TRAPPC9: variants seen among roughly 807,000 people sequenced by gnomAD.
The protein encoded by TRAPPC9 is IKK2 binding protein.
Under a neutral mutation model 124.0 loss-of-function variants are expected in TRAPPC9, and 83 were observed. The observed-to-expected ratio is 0.67, with a 90% CI of 0.56 to 0.80. The LOEUF (loss-of-function observed/expected upper bound fraction) is 0.80, where lower values mean the gene tolerates loss of function less well. TRAPPC9 is among the 30% of genes least tolerant of loss of function. The pLI, the probability that TRAPPC9 is intolerant of heterozygous loss-of-function variation, is 0.00. For synonymous variants in TRAPPC9, 638 were observed against 617.5 expected (o/e 1.03, Z -0.49); for missense variants, 1,302 against 1,508.3 (o/e 0.86, Z 2.27).
At position 140,229,251 on chromosome 8, in the gene TRAPPC9, C is replaced by CTTTT. The variant is rs528175891; in HGVS notation, c.2432-7672_2432-7669dup. ...AGTCAATTCCGTATGTTTTCTTTTT[C>CTTTT]TTTTTTTTTTTTTTTTTTTTTTTTT... On this transcript the variant is annotated intron_variant, in intron 16 of 22. Transcript: ENST00000438773. 8.1e-4 allele frequency among the ~76,000 whole-genome samples: 81 copies of CTTTT among 99,762 alleles called. 6 individuals carry two copies. Among genetic ancestry groups the CTTTT allele is most frequent in the African/African-American group, 2.5e-3 (55 of 21,720 alleles). The allele number at this position is 99,762 out of a possible 152,430, so 65.4% of individuals were successfully genotyped here. A position where few individuals can be genotyped will look rare whatever the true frequency, so the allele number is the denominator to read the frequency against.
At chr8:139,978,399 T>C (rs753319325) in intron 19 of TRAPPC9, among the ~76,000 whole-genome samples, 2 of 152,244 alleles carry the variant, frequency 1.3e-5, no homozygotes, top group African/African-American at 4.8e-5. Flanking sequence ...TGGGTACTTG[T>C]TGATAATGAG....
intron 9 of TRAPPC9, among the ~76,000 whole-genome samples, chr8:140,350,971 A>G (rs2067550957): frequency 6.6e-6 from 1 of 152,006 alleles, no homozygotes; most frequent in South Asian, 2.1e-4. Context: ...GGAGAGGGGC[A>G]GGAGGCTCCA....
In TRAPPC9 at chr8:139,737,475, C is replaced by CCCCG. The variant is rs1554633775; in HGVS notation, c.3056-5274_3056-5273insCGGG. Among the ~76,000 whole-genome samples, 2 of 128,344 alleles carry CCCCG rather than the reference C, an allele frequency of 1.6e-5. 1 individual carries two copies. Among genetic ancestry groups the CCCCG allele is most frequent in the Admixed American group, 1.5e-4 (2 of 13,600 alleles). 84.2% of individuals were successfully genotyped at this position (128,344 alleles called of 152,430 possible). ...CGGGGGTCATCAGCCCTCCCCCCCC[C>CCCCG]CCCACGGAAAACCCTGAGTCTGGTG... On this transcript the variant is annotated intron_variant, in intron 21 of 22. Coordinates refer to ENST00000438773, the MANE Select transcript of TRAPPC9 (RefSeq NM_001160372.4).
chr8:140,390,256 G>T (rs2068889618), intron 7 of TRAPPC9, among the ~76,000 whole-genome samples: 1 of 152,164 alleles, frequency 6.6e-6, no homozygotes, highest in African/African-American at 2.4e-5. Flanking sequence ...AGTGAGAGGA[G>T]ATCCGGCCAC....
chr8:139,816,015 C>T (rs979801220), intron 21 of TRAPPC9, among the ~76,000 whole-genome samples: 1 of 152,214 alleles, frequency 6.6e-6, no homozygotes, highest in African/African-American at 2.4e-5. Context: ...CGGGTGGATT[C>T]CCGAGCCTGG....
At chr8:140,410,472 A>T (rs2069665154) in intron 5 of TRAPPC9, among the ~76,000 whole-genome samples, 1 of 150,130 alleles carries the variant, frequency 6.7e-6, no homozygotes. Flanking sequence ...GGAAGCAGAG[A>T]TTGCAGTGAG....
At chr8:140,005,218 A>C (rs533885584) in intron 18 of TRAPPC9, among the ~76,000 whole-genome samples, 6 of 152,224 alleles carry the variant, frequency 3.9e-5, no homozygotes, top group Non-Finnish European at 5.9e-5. Context: ...AACCACCAAA[A>C]ACCAAACCCT....
At chr8:140,426,710 A>G in intron 4 of TRAPPC9, 69 bp from the exon 5 acceptor site, 1 of 1,463,816 alleles carries the variant, frequency 6.8e-7, no homozygotes, top group Non-Finnish European at 9.6e-7. Flanking sequence ...AACTACTAAA[A>G]CACATTTCAT....
intron 6 of TRAPPC9, among the ~76,000 whole-genome samples, chr8:140,405,092 T>A (rs2069445318): frequency 6.6e-6 from 1 of 152,166 alleles, no homozygotes; most frequent in Admixed American, 6.6e-5. Flanking sequence ...AGTATTTTAG[T>A]AAGTACATTT....
chr8:140,056,672 T>C (rs1278581880), intron 17 of TRAPPC9, among the ~76,000 whole-genome samples: 1 of 151,990 alleles, frequency 6.6e-6, no homozygotes, highest in Non-Finnish European at 1.5e-5. Flanking sequence ...TCAAAATGAA[T>C]TAAAGATTTA....
At chr8:140,023,850 T>C (rs1364045427) in intron 18 of TRAPPC9, 87 bp downstream of exon 18, 2 of 1,599,348 alleles carry the variant, frequency 1.3e-6, no homozygotes, top group Admixed American at 3.3e-5. Flanking sequence ...ACGGGATGCA[T>C]GACAAAAACA....
chr8:140,358,898 G>T (rs2067839556), intron 9 of TRAPPC9, among the ~76,000 whole-genome samples: 1 of 152,174 alleles, frequency 6.6e-6, no homozygotes, highest in Admixed American at 6.5e-5. Flanking sequence ...TGAGCACCCA[G>T]GGCCTGGCAC....
intron 6 of TRAPPC9, among the ~76,000 whole-genome samples, chr8:140,405,063 G>A (rs1286730969): frequency 2.6e-5 from 4 of 152,006 alleles, no homozygotes; most frequent in African/African-American, 4.8e-5. Flanking sequence ...GCCACTCTTC[G>A]GCACAACTTT....
chr8:139,855,472 G>A (rs1005909661), intron 21 of TRAPPC9, among the ~76,000 whole-genome samples: 3 of 152,204 alleles, frequency 2.0e-5, no homozygotes, highest in African/African-American at 2.4e-5. Context: ...GCAGGTCCAC[G>A]TGGAGACCCG....
chr8:140,070,071 C>G (rs919723887), intron 17 of TRAPPC9, among the ~76,000 whole-genome samples: 4 of 152,240 alleles, frequency 2.6e-5, no homozygotes, highest in Admixed American at 2.6e-4. Flanking sequence ...CCAACTCACA[C>G]GCCAGTCCCC....
At chr8:140,243,298 T>A (rs2063907541) in intron 16 of TRAPPC9, among the ~76,000 whole-genome samples, 1 of 152,158 alleles carries the variant, frequency 6.6e-6, no homozygotes, top group African/African-American at 2.4e-5. Context: ...CATCTTCCTC[T>A]ACAACGAAAC....
chr8:139,906,628 G>C (rs1831383511), intron 20 of TRAPPC9, among the ~76,000 whole-genome samples: 1 of 152,160 alleles, frequency 6.6e-6, no homozygotes, highest in Non-Finnish European at 1.5e-5. Context: ...GAGGCCACCC[G>C]CAAGTCTGAA....
At chr8:140,375,961 T>C (rs1175227552) in intron 7 of TRAPPC9, among the ~76,000 whole-genome samples, 1 of 152,212 alleles carries the variant, frequency 6.6e-6, no homozygotes, top group African/African-American at 2.4e-5. Flanking sequence ...TCTCCGGCTA[T>C]TTCCAGCCAT....
rs567125905 is a variant in TRAPPC9 at position 140,346,299 on chromosome 8, T to A, written c.1495+13751A>T. On this transcript the variant is annotated intron_variant, in intron 9 of 22. Transcript: ENST00000438773. ...CCAGGTCATCCCCAAAGGAACTGCG[T>A]GCCCCTCACACTGCTGGGATTACGC... 6.6e-5 allele frequency among the ~76,000 whole-genome samples: 10 copies of A among 152,288 alleles called. No individual in the cohort carries two copies. The South Asian group carries it at 1.9e-3, about 28-fold the overall frequency.
Sources: gnomAD v4.1 joint callset for allele counts (sites outside exome capture counted in the v4.1 genomes callset) on GRCh38, gnomAD v4.1.1 for gene constraint, MANE v1.5 for transcripts, NCBI Gene and HGNC (gene_info 2026-07-23, HGNC 2026-07-21) for gene names.